MSI2: variants seen among roughly 807,000 people sequenced by gnomAD.
The protein encoded by MSI2 is musashi RNA binding protein 2.
In MSI2, 17 loss-of-function variants were observed where a neutral mutation model predicts 45.6. The ratio of observed to expected loss-of-function variants is 0.37; its 90% CI spans 0.26 to 0.56. MSI2 has a LOEUF of 0.56. Among genes scored for constraint, MSI2 ranks in the 20% least tolerant of loss-of-function variants. The probability of loss-of-function intolerance (pLI) is 0.77; values close to 1 mark genes in which losing one functional copy is unlikely to be tolerated. For missense variants in MSI2, 293 were observed against 444.2 expected (o/e 0.66, Z 3.06); for synonymous variants, 156 against 158.2 (o/e 0.99, Z 0.11).
intron 5 of MSI2, among the ~76,000 whole-genome samples, chr17:57,297,641 T>C (rs1269242077): frequency 6.6e-6 from 1 of 152,208 alleles, no homozygotes; most frequent in African/African-American, 2.4e-5. Flanking sequence ...TTTCACGAAA[T>C]ATTTCTCTGT....
chr17:57,530,263 TCC>T (rs1194101014), intron 7 of MSI2, among the ~76,000 whole-genome samples: 1 of 152,158 alleles, frequency 6.6e-6, no homozygotes, highest in Admixed American at 6.5e-5. Context: ...GCTGCTTCTG[TCC>T]CATCCACTTT....
At chr17:57,405,766 C>T (rs1358346804) in intron 6 of MSI2, among the ~76,000 whole-genome samples, 1 of 152,150 alleles carries the variant, frequency 6.6e-6, no homozygotes, top group Non-Finnish European at 1.5e-5. Flanking sequence ...TTTTGAGGTC[C>T]AGGTTTTACT....
the MSI2 span, among the ~76,000 whole-genome samples, chr17:57,691,715 A>G: frequency 4.6e-5 from 7 of 152,194 alleles, no homozygotes; most frequent in African/African-American, 1.4e-4. Flanking sequence ...AAACTCCCTT[A>G]TTAATTCTGG....
At chr17:57,642,418 G>A (rs1365831605) in intron 10 of MSI2, among the ~76,000 whole-genome samples, 25 of 152,274 alleles carry the variant, frequency 1.6e-4, no homozygotes, top group East Asian at 1.9e-4. Context: ...GTGTAGCCAC[G>A]CCCAGGTCCT....
chr17:57,355,795 G>T (rs113922269), intron 5 of MSI2, among the ~76,000 whole-genome samples: 2 of 152,308 alleles, frequency 1.3e-5, no homozygotes, highest in African/African-American at 4.8e-5. Flanking sequence ...ACCTTTCTGA[G>T]ACTTAGTTTC....
intron 11 of MSI2, among the ~76,000 whole-genome samples, chr17:57,657,423 G>A (rs1048991268): frequency 2.6e-5 from 4 of 152,152 alleles, no homozygotes; most frequent in Non-Finnish European, 5.9e-5. Context: ...AGAGAAGAGG[G>A]TAGGGACAGA....
chr17:57,645,781 C>A (rs1443717772), intron 10 of MSI2, among the ~76,000 whole-genome samples: 1 of 152,098 alleles, frequency 6.6e-6, no homozygotes, highest in East Asian at 1.9e-4. Flanking sequence ...ACCAAGTAAT[C>A]AGAATCGCAG....
intron 5 of MSI2, among the ~76,000 whole-genome samples, chr17:57,330,093 A>G (rs1236684672): frequency 3.9e-5 from 6 of 151,978 alleles, no homozygotes; most frequent in African/African-American, 1.4e-4. Flanking sequence ...AGAGTTTCCA[A>G]CTTCTTTAAG....
At position 57,489,606 on chromosome 17, in the gene MSI2, C is replaced by T. The variant is rs139353937; in HGVS notation, c.406-40070C>T. On this transcript the variant is annotated intron_variant, in intron 6 of 13. Coordinates refer to ENST00000284073, the MANE Select transcript of MSI2 (RefSeq NM_138962.4). ...GCTTTCCCAGAACCTCTGTGGGTTG[C>T]GTGCCTGGGAGGACTCAGCCAGCAC... 1.9e-3 allele frequency among the ~76,000 whole-genome samples: 285 copies of T among 152,326 alleles called. 1 individual carries two copies. Among genetic ancestry groups the T allele is most frequent in the African/African-American group, 6.6e-3 (273 of 41,580 alleles).
At chr17:57,469,843 A>G (rs1378378560) in intron 6 of MSI2, among the ~76,000 whole-genome samples, 1 of 152,230 alleles carries the variant, frequency 6.6e-6, no homozygotes, top group African/African-American at 2.4e-5. Flanking sequence ...CACTGCTTGT[A>G]GCCCTGGGAT....
At chr17:57,594,553 G>T (rs1042721074) in intron 7 of MSI2, among the ~76,000 whole-genome samples, 10 of 152,112 alleles carry the variant, frequency 6.6e-5, no homozygotes, top group South Asian at 2.1e-4. Context: ...GGGAAGTGTC[G>T]GTGTGGCTCT....
chr17:57,509,749 C>G (rs2086311764), intron 6 of MSI2, among the ~76,000 whole-genome samples: 1 of 151,780 alleles, frequency 6.6e-6, no homozygotes, highest in Non-Finnish European at 1.5e-5. Context: ...CCTTCTTCAA[C>G]TCCAAACCCA....
At chr17:57,585,328 G>A (rs2088317745) in intron 7 of MSI2, among the ~76,000 whole-genome samples, 2 of 152,264 alleles carry the variant, frequency 1.3e-5, no homozygotes, top group Non-Finnish European at 2.9e-5. Flanking sequence ...ATTGGGCTAG[G>A]GGAGAAATAA....
intron 5 of MSI2, among the ~76,000 whole-genome samples, chr17:57,372,253 T>C (rs905469233): frequency 1.3e-5 from 2 of 152,322 alleles, no homozygotes; most frequent in Non-Finnish European, 1.5e-5. Context: ...CTTACCTACT[T>C]ATCTTCAACA....
intron 6 of MSI2, among the ~76,000 whole-genome samples, chr17:57,428,175 T>C (rs1296478576): frequency 1.3e-5 from 2 of 152,196 alleles, no homozygotes; most frequent in Non-Finnish European, 2.9e-5. Context: ...TACAAATTCA[T>C]GGACCCATCT....
intron 6 of MSI2, among the ~76,000 whole-genome samples, chr17:57,515,954 A>G (rs1309038292): frequency 6.6e-6 from 1 of 152,132 alleles, no homozygotes; most frequent in Non-Finnish European, 1.5e-5. Flanking sequence ...AGTTGTAAAA[A>G]TAGGACAAAG....
At chr17:57,572,346 A>G (rs757369759) in intron 7 of MSI2, among the ~76,000 whole-genome samples, 3 of 152,232 alleles carry the variant, frequency 2.0e-5, no homozygotes, top group African/African-American at 4.8e-5. Flanking sequence ...CCTGGAAAAG[A>G]GTGAGGACTT....
At chr17:57,699,881 C>G in the MSI2 span, among the ~76,000 whole-genome samples, 2 of 152,228 alleles carry the variant, frequency 1.3e-5, no homozygotes, top group African/African-American at 4.8e-5. Flanking sequence ...GGTTAATTGC[C>G]AGGACACATC....
intron 7 of MSI2, among the ~76,000 whole-genome samples, chr17:57,530,360 G>A (rs1473316863): frequency 6.6e-6 from 1 of 152,206 alleles, no homozygotes; most frequent in African/African-American, 2.4e-5. Context: ...CTTGGGTGAA[G>A]ATCCCTAGGT....
Sources: gnomAD v4.1 joint callset for allele counts (sites outside exome capture counted in the v4.1 genomes callset) on GRCh38, gnomAD v4.1.1 for gene constraint, MANE v1.5 for transcripts, NCBI Gene and HGNC (gene_info 2026-07-23, HGNC 2026-07-21) for gene names.